The following NCOA2 variants were observed in gnomAD, a reference collection of about 807,000 sequenced individuals.
NCOA2 encodes the protein class E basic helix-loop-helix protein 75.
A neutral mutation model predicts 145.1 loss-of-function variants in NCOA2; 21 were observed. The observed-to-expected ratio is 0.14, with a 90% CI of 0.10 to 0.21. NCOA2 has a LOEUF of 0.21. Ranked by LOEUF, NCOA2 falls within the 10% of genes least tolerant of loss-of-function variation. The pLI is 1.00. For missense variants in NCOA2, 1,472 were observed against 1,837.6 expected, an observed-to-expected ratio of 0.80 and a Z score of 3.64; for synonymous variants, 619 against 637.5, an observed-to-expected ratio of 0.97 and a Z score of 0.44.
At chr8:70,134,834 G>A (rs1032710088) in intron 15 of NCOA2, among the ~76,000 whole-genome samples, 4 of 152,032 alleles carry the variant, frequency 2.6e-5, no homozygotes, top group Non-Finnish European at 5.9e-5. Flanking sequence ...CCTCCAGACC[G>A]TCCCACTTTG....
At chr8:70,444,539 G>A in the NCOA2 span, among the ~76,000 whole-genome samples, 1 of 152,162 alleles carries the variant, frequency 6.6e-6, no homozygotes, top group Non-Finnish European at 1.5e-5. Context: ...AACAGAATAA[G>A]ATTGCTGGAC....
chr8:70,440,686 A>T, the NCOA2 span, among the ~76,000 whole-genome samples: 1 of 151,658 alleles, frequency 6.6e-6, no homozygotes, highest in East Asian at 1.9e-4. Context: ...AGAAAGAAAG[A>T]GAGAAAGAGG....
chr8:70,365,009 C>T (rs1810560553), intron 1 of NCOA2, among the ~76,000 whole-genome samples: 1 of 152,048 alleles, frequency 6.6e-6, no homozygotes, highest in Non-Finnish European at 1.5e-5. Context: ...TCACTTCAAT[C>T]CAATGAATTC....
intron 1 of NCOA2, among the ~76,000 whole-genome samples, chr8:70,372,207 A>C (rs1811287091): frequency 6.6e-6 from 1 of 152,234 alleles, no homozygotes; most frequent in Non-Finnish European, 1.5e-5. Context: ...AGCAGGTTTT[A>C]AAACATTATT....
intron 15 of NCOA2, among the ~76,000 whole-genome samples, chr8:70,134,446 T>G (rs993180252): frequency 6.6e-6 from 1 of 152,228 alleles, no homozygotes; most frequent in Admixed American, 6.5e-5. Context: ...ATTAAAGGAT[T>G]TTCTTTACCT....
At chr8:70,239,627 C>T (rs543952600) in intron 2 of NCOA2, among the ~76,000 whole-genome samples, 5 of 152,236 alleles carry the variant, frequency 3.3e-5, no homozygotes, top group African/African-American at 1.2e-4. Context: ...ATTCAGGTAT[C>T]CAATCTACAG....
chr8:70,339,194 T>G (rs947603556), intron 1 of NCOA2, among the ~76,000 whole-genome samples: 1 of 152,126 alleles, frequency 6.6e-6, no homozygotes, highest in Non-Finnish European at 1.5e-5. Flanking sequence ...CCCCATAGTC[T>G]CAGCCCGAAA....
At chr8:70,207,745 C>T (rs563247088) in intron 4 of NCOA2, among the ~76,000 whole-genome samples, 1 of 151,642 alleles carries the variant, frequency 6.6e-6, no homozygotes, top group Middle Eastern at 3.4e-3. Flanking sequence ...GCACTGTAAT[C>T]CCAGCTACTC....
intron 1 of NCOA2, among the ~76,000 whole-genome samples, chr8:70,353,887 T>C (rs1254302972): frequency 2.0e-5 from 3 of 152,194 alleles, no homozygotes; most frequent in Non-Finnish European, 4.4e-5. Flanking sequence ...ACACTGACCC[T>C]TATAAATGGT....
chr8:70,113,516 A>T lies in NCOA2; in HGVS notation c.*116T>A. The T allele has an allele frequency of 8.0e-7, 1 of 1,246,300 alleles. No individual in the cohort carries two copies. Among genetic ancestry groups the T allele is most frequent in the Non-Finnish European group, 1.1e-6 (1 of 873,652 alleles). 77.2% of individuals were successfully genotyped at this position (1,246,300 alleles called of 1,614,324 possible). On this transcript the variant is annotated 3_prime_UTR_variant, in exon 23 of 23. Coordinates refer to ENST00000452400, the MANE Select transcript of NCOA2 (RefSeq NM_006540.4). Reference sequence around the variant, plus strand: ...AACCAGGGCCAGGCCTGTCTGCTCTAGCAGAACCGGCTGGCAGGTCAGTTG... The same window carrying T: ...AACCAGGGCCAGGCCTGTCTGCTCTTGCAGAACCGGCTGGCAGGTCAGTTG...
chr8:70,128,344 C>T (rs1808681903), intron 18 of NCOA2, 89 bp downstream of exon 18: 1 of 1,109,440 alleles, frequency 9.0e-7, no homozygotes, highest in Non-Finnish European at 1.3e-6. Context: ...GGATCCACGT[C>T]TACTAAGTTA....
the NCOA2 span, among the ~76,000 whole-genome samples, chr8:70,432,056 T>C: frequency 6.6e-6 from 1 of 152,200 alleles, no homozygotes; most frequent in South Asian, 2.1e-4. Context: ...GACATAAAAG[T>C]AAACCAGTGG....
intron 2 of NCOA2, among the ~76,000 whole-genome samples, chr8:70,268,321 TTTCA>T (rs1194500746): frequency 1.3e-5 from 2 of 152,210 alleles, no homozygotes; most frequent in African/African-American, 2.4e-5. Context: ...AGAAAGATAA[TTTCA>T]AGTAGACCAT....
At chr8:70,175,508 T>C (rs986984735) in intron 4 of NCOA2, among the ~76,000 whole-genome samples, 1 of 152,248 alleles carries the variant, frequency 6.6e-6, no homozygotes, top group Non-Finnish European at 1.5e-5. Flanking sequence ...GCGCGTAGCG[T>C]GCGCTCCTGG....
intron 4 of NCOA2, among the ~76,000 whole-genome samples, chr8:70,184,551 T>C (rs1815839212): frequency 6.6e-6 from 1 of 152,100 alleles, no homozygotes; most frequent in Non-Finnish European, 1.5e-5. Flanking sequence ...CAGCGCTTTA[T>C]AGGTGGCTTT....
At chr8:70,167,029 T>G (rs1258404316) in intron 6 of NCOA2, among the ~76,000 whole-genome samples, 3 of 152,218 alleles carry the variant, frequency 2.0e-5, no homozygotes, top group African/African-American at 7.2e-5. Flanking sequence ...TTCAAAACAT[T>G]TTCTACACTA....
chr8:70,351,141 C>T (rs1809150371), intron 1 of NCOA2, among the ~76,000 whole-genome samples: 1 of 152,204 alleles, frequency 6.6e-6, no homozygotes, highest in Non-Finnish European at 1.5e-5. Flanking sequence ...GGCTTAATCA[C>T]CTCTTCATGA....
chr8:70,381,157 A>G (rs923961688), intron 1 of NCOA2, among the ~76,000 whole-genome samples: 1 of 152,076 alleles, frequency 6.6e-6, no homozygotes, highest in Admixed American at 6.5e-5. Flanking sequence ...ATAAAGGTAT[A>G]GATGACCGGT....
At chr8:70,306,666 C>T (rs1827915228) in intron 1 of NCOA2, among the ~76,000 whole-genome samples, 1 of 152,016 alleles carries the variant, frequency 6.6e-6, no homozygotes, top group Non-Finnish European at 1.5e-5. Flanking sequence ...GATTATTGAA[C>T]TCAGGAGCTC....
Sources: allele counts gnomAD v4.1 joint callset (sites outside exome capture counted in the v4.1 genomes callset), GRCh38; gene constraint gnomAD v4.1.1; transcripts MANE v1.5; gene names NCBI Gene and HGNC (gene_info 2026-07-23, HGNC 2026-07-21).